The following HEATR9 variants were observed in gnomAD, a reference collection of about 807,000 sequenced individuals.
The protein encoded by HEATR9 is HEAT repeat containing 9.
Under a neutral mutation model 68.2 loss-of-function variants are expected in HEATR9, and 54 were observed. The observed-to-expected ratio is 0.79, with a 90% CI of 0.64 to 0.99. The LOEUF (loss-of-function observed/expected upper bound fraction) is 0.99, where lower values mean the gene tolerates loss of function less well. Ranked by LOEUF, HEATR9 falls within the 50% of genes least tolerant of loss-of-function variation. The pLI is 0.00. For missense variants in HEATR9, 662 were observed against 679.7 expected, an observed-to-expected ratio of 0.97 and a Z score of 0.29; for synonymous variants, 241 against 253.5, an observed-to-expected ratio of 0.95 and a Z score of 0.47.
rs1209780762 is a variant in HEATR9, at chr17:35,858,512, A to G, written c.953T>C (p.Leu318Pro). The G allele has an allele frequency of 1.2e-6, 2 of 1,609,938 alleles. No individual in the cohort carries two copies. Among genetic ancestry groups the G allele is most frequent in the African/African-American group, 2.8e-5 (2 of 72,402 alleles). ...KTQRMKALRM[L>P]VKVMHVHSAP... Reference sequence around the variant, plus strand: ...TGAGTGCACGTGCATCACCTTGACCAGCATCCTAAGTGCCTATGAGGGGGC... The same window carrying G: ...TGAGTGCACGTGCATCACCTTGACCGGCATCCTAAGTGCCTATGAGGGGGC... Residue 318 changes from leucine to proline, a missense_variant, in exon 10 of 15, where the codon CTG becomes CCG. By Grantham distance (98) the Leu-to-Pro change is moderately conservative. Transcript: ENST00000604834.
intron 14 of HEATR9, 111 bp from the exon 15 acceptor site, chr17:35,855,521 C>G: frequency 7.7e-7 from 1 of 1,306,254 alleles, no homozygotes; most frequent in Non-Finnish European, 1.1e-6. Context: ...GCACTGTGGC[C>G]CCAAGGAACA....
chr17:35,858,589 C>A, intron 9 of HEATR9, 64 bp from the exon 10 acceptor site: 1 of 1,442,010 alleles, frequency 6.9e-7, no homozygotes, highest in Non-Finnish European at 9.6e-7. Context: ...GCCAGGTGGA[C>A]TTGAGGTCTG....
Position 35,868,538 on chromosome 17 carries a change from G to A in HEATR9, c.88+117C>T, listed in dbSNP as rs1209017089. 1.2e-5 allele frequency: 18 copies of A among 1,517,116 alleles called. No individual in the cohort carries two copies. The Admixed American group carries it at 3.6e-4, about 30-fold the overall frequency. The allele number at this position is 1,517,116 out of a possible 1,614,324, so 94.0% of individuals were successfully genotyped here. A position where few individuals can be genotyped will look rare whatever the true frequency, so the allele number is the denominator to read the frequency against. On this transcript the variant is annotated intron_variant, in intron 1 of 14. Transcript: ENST00000604834. ...ATCAAAGTGTCCAAGGGCCTGCCCT[G>A]ATGTTTCCCAAGGGTTTGCTGAACT...
intron 6 of HEATR9, 132 bp from the exon 7 acceptor site, chr17:35,863,691 CA>C: frequency 1.0e-6 from 1 of 956,060 alleles, no homozygotes; most frequent in East Asian, 2.6e-5. Flanking sequence ...TATCTATTCT[CA>C]AATACAGAAT....
intron 1 of HEATR9, among the ~76,000 whole-genome samples, chr17:35,867,157 G>A (rs2088228064): frequency 6.6e-6 from 1 of 152,128 alleles, no homozygotes. Context: ...CTACTCAGGA[G>A]GCTGAGGCAG....
rs771260894 is a variant in HEATR9, at chr17:35,868,807, G to A, written c.-65C>T. ...GAATACAAGGCTTTTAGGGGAGTGG[G>A]GGCACAGCTGGAGGAGACCTGTCCT... On this transcript the variant is annotated 5_prime_UTR_variant, in exon 1 of 15. Coordinates refer to ENST00000604834, the MANE Select transcript of HEATR9 (RefSeq NM_152781.4). 7.0e-6 allele frequency: 10 copies of A among 1,428,552 alleles called. No individual in the cohort carries two copies. The highest frequency in any genetic ancestry group is 9.8e-6 in the Non-Finnish European group (10 of 1,017,352). The allele number at this position is 1,428,552 out of a possible 1,614,324, so 88.5% of individuals were successfully genotyped here.
rs368266813 is a variant in HEATR9, at chr17:35,857,758, C to CA, written c.1152+441dup. The stretch of plus-strand genomic sequence containing the variant: ...TGGGCAACAGAGCAAGACTCCGTCT[C>CA]AAAAAAAAAGAAAAAAAATATAACA... On this transcript the variant is annotated intron_variant, in intron 11 of 14. Transcript: ENST00000604834. Among the ~76,000 whole-genome samples the CA allele has an allele frequency of 5.2e-3, 754 of 145,604 alleles. 1 individual carries two copies. The highest frequency in any genetic ancestry group is 7.7e-3 in the Non-Finnish European group (510 of 66,296).
intron 1 of HEATR9, 60 bp from the exon 2 acceptor site, chr17:35,866,833 C>T: frequency 6.5e-7 from 1 of 1,548,678 alleles, no homozygotes; most frequent in Non-Finnish European, 8.9e-7. Context: ...GCAGGCCAGG[C>T]TTGGTGGCTT....
intron 1 of HEATR9, among the ~76,000 whole-genome samples, chr17:35,866,982 T>C (rs922490894): frequency 6.6e-6 from 1 of 151,924 alleles, no homozygotes; most frequent in Non-Finnish European, 1.5e-5. Context: ...CCAGGCGCAG[T>C]GGCTCACGCC....
intron 8 of HEATR9, among the ~76,000 whole-genome samples, chr17:35,860,092 A>T (rs1393094461): frequency 6.6e-6 from 1 of 152,060 alleles, no homozygotes; most frequent in African/African-American, 2.4e-5. Flanking sequence ...TAAGGACATC[A>T]TTTAAGAACA....
Position 35,864,513 on chromosome 17 carries a change from T to C in HEATR9, c.494A>G (p.Gln165Arg). ...TCTTCTCACCTGTGCTGCATAGAAC[T>C]GCTCATCCTCTCTGGGAGATTCCAG... is the stretch of plus-strand genomic sequence containing the variant. ...KSLESPREDE[Q>R]FYAAQALGCL... The change falls in exon 5 of 15, where the codon CAG (glutamine) becomes CGG (arginine). Residue 165 changes from glutamine (Q) to arginine (R), a missense_variant. Gln to Arg is a conservative substitution (Grantham distance 43). Coordinates refer to ENST00000604834, the MANE Select transcript of HEATR9 (RefSeq NM_152781.4). The C allele has an allele frequency of 3.7e-6, 6 of 1,614,104 alleles. No individual in the cohort carries two copies. The highest frequency in any genetic ancestry group is 5.1e-6 in the Non-Finnish European group (6 of 1,179,982).
chr17:35,866,542 G>T (rs531607890), intron 2 of HEATR9, among the ~76,000 whole-genome samples, 182 bp downstream of exon 2: 3 of 152,162 alleles, frequency 2.0e-5, no homozygotes, highest in Non-Finnish European at 4.4e-5. Context: ...ACAGGGGTTA[G>T]CCTGGGACAC....
rs774723634 is a variant in HEATR9 at position 35,856,236 on chromosome 17, GGAGT to G, written c.1227-16_1227-13del. On this transcript the variant is annotated splice_polypyrimidine_tract_variant and intron_variant, in intron 12 of 14. Coordinates refer to ENST00000604834, the MANE Select transcript of HEATR9 (RefSeq NM_152781.4). Reference sequence around the variant, plus strand: ...GGTTCATCAGTTGTCTGTGTAGAAGGGAGTGAGTATGTTATAGTTGAATTAAGGA... The same window carrying G: ...GGTTCATCAGTTGTCTGTGTAGAAGGGAGTATGTTATAGTTGAATTAAGGA... 2.2e-5 allele frequency: 35 copies of G among 1,614,006 alleles called. No individual in the cohort carries two copies. The East Asian group carries it at 6.0e-4, about 28-fold the overall frequency.
chr17:35,863,371 C>A, intron 7 of HEATR9, 131 bp downstream of exon 7: 1 of 1,062,926 alleles, frequency 9.4e-7, no homozygotes, highest in South Asian at 1.3e-5. Flanking sequence ...TTCAACATAA[C>A]TGGGATAGTT....
At chr17:35,864,624 A>G in intron 4 of HEATR9, 71 bp from the exon 5 acceptor site, 2 of 1,584,942 alleles carry the variant, frequency 1.3e-6, no homozygotes, top group Non-Finnish European at 1.7e-6. Flanking sequence ...AAGGGAGCTC[A>G]TCCAATCCAA....
At position 35,861,300 on chromosome 17, in the gene HEATR9, A is replaced by G; in HGVS notation, c.756+1695T>C. ...CTTCAACTCTCTTCATTGCGTCAAT[A>G]GTTTTATTCCATAGCTCTTGCTAGT... On this transcript the variant is annotated intron_variant, in intron 8 of 14. Transcript: ENST00000604834. The G allele has an allele frequency of 2.9e-6, 4 of 1,389,056 alleles. No homozygotes were observed. In the South Asian group the frequency reaches 4.6e-5, roughly 16 times the overall value. 86.0% of individuals were successfully genotyped at this position (1,389,056 alleles called of 1,614,324 possible).
At chr17:35,868,596 G>C in intron 1 of HEATR9, 59 bp downstream of exon 1, 1 of 1,611,220 alleles carries the variant, frequency 6.2e-7, no homozygotes, top group Non-Finnish European at 8.5e-7. Context: ...TGAGAGCCAG[G>C]TAGCATTTCT....
rs751600075 is a variant in HEATR9 at position 35,855,679 on chromosome 17, C to T, written c.1350G>A (p.Gln450=). Residue 450 remains glutamine, a synonymous_variant, in exon 14 of 15, where the codon CAG becomes CAA. Coordinates refer to ENST00000604834, the MANE Select transcript of HEATR9 (RefSeq NM_152781.4). The stretch of plus-strand genomic sequence containing the variant: ...CCTTACTTACACTCTTCTTCACAGC[C>T]TGGTGGTTTTCTGCATCTAGTAAGT... The part of the protein sequence containing the change: ...LLDLLDAENH[Q]AVKKSLQETL... The T allele has an allele frequency of 1.2e-6, 2 of 1,614,068 alleles. No homozygotes were observed. Among genetic ancestry groups the T allele is most frequent in the South Asian group, 2.2e-5 (2 of 91,076 alleles).
intron 1 of HEATR9, 124 bp downstream of exon 1, chr17:35,868,531 C>A: frequency 6.7e-7 from 1 of 1,499,104 alleles, no homozygotes; most frequent in Non-Finnish European, 8.9e-7. Flanking sequence ...GTCCAAGGGC[C>A]TGCCCTGATG....
Sources: gnomAD v4.1 joint callset for allele counts (sites outside exome capture counted in the v4.1 genomes callset) on GRCh38, gnomAD v4.1.1 for gene constraint, MANE v1.5 for transcripts, NCBI Gene and HGNC (gene_info 2026-07-23, HGNC 2026-07-21) for gene names.